Variants in ATP9B observed in about 807,000 individuals in gnomAD.
The protein encoded by ATP9B is probable phospholipid-transporting ATPase IIB.
A neutral mutation model predicts 146.1 loss-of-function variants in ATP9B; 110 were observed. The ratio of observed to expected loss-of-function variants is 0.75; its 90% CI spans 0.65 to 0.88. The LOEUF (loss-of-function observed/expected upper bound fraction) is 0.88, where lower values mean the gene tolerates loss of function less well. ATP9B is among the 40% of genes least tolerant of loss of function. The probability of loss-of-function intolerance (pLI) is 0.00; values close to 1 mark genes in which losing one functional copy is unlikely to be tolerated. For missense variants in ATP9B, 1,499 were observed against 1,496.4 expected (o/e 1.00, Z -0.03); for synonymous variants, 604 against 569.7 (o/e 1.06, Z -0.86).
At chr18:79,106,287 C>G (rs907141491) in intron 2 of ATP9B, among the ~76,000 whole-genome samples, 1 of 152,200 alleles carries the variant, frequency 6.6e-6, no homozygotes, top group Non-Finnish European at 1.5e-5. Context: ...TTGCTTCTCC[C>G]TCGTTGTGCA....
intron 10 of ATP9B, among the ~76,000 whole-genome samples, chr18:79,210,103 G>A (rs1391497258): frequency 1.3e-5 from 2 of 152,192 alleles, no homozygotes; most frequent in Admixed American, 1.3e-4. Flanking sequence ...GCAGACGAGA[G>A]GTGAGCCAAG....
At chr18:79,278,810 C>T (rs1568560272) in intron 13 of ATP9B, among the ~76,000 whole-genome samples, 1 of 151,936 alleles carries the variant, frequency 6.6e-6, no homozygotes, top group South Asian at 2.1e-4. Context: ...ATTTTCCCTT[C>T]CCAACCTCAT....
intron 29 of ATP9B, chr18:79,376,082 G>C (rs941650330): frequency 7.1e-6 from 7 of 984,784 alleles, no homozygotes; most frequent in Non-Finnish European, 8.4e-6. Context: ...GCCTCTAAGA[G>C]CAGACCGGTC....
At chr18:79,197,049 G>A (rs978720591) in intron 9 of ATP9B, among the ~76,000 whole-genome samples, 9 of 152,108 alleles carry the variant, frequency 5.9e-5, no homozygotes, top group Non-Finnish European at 1.3e-4. Context: ...AGCATATATA[G>A]GGTGTCACCA....
intron 8 of ATP9B, among the ~76,000 whole-genome samples, chr18:79,190,726 A>G (rs1018905614): frequency 6.6e-6 from 1 of 152,018 alleles, no homozygotes; most frequent in African/African-American, 2.4e-5. Context: ...TTGTATTTTT[A>G]GTAGAGACGG....
chr18:79,112,238 G>A (rs28432958), intron 3 of ATP9B, among the ~76,000 whole-genome samples: 37,295 of 152,034 alleles, frequency 0.25, 4,894 homozygotes, highest in East Asian at 0.5. Context: ...CATGGAAATG[G>A]CATCCAAAGA....
intron 10 of ATP9B, 47 bp from the exon 11 acceptor site, chr18:79,213,915 C>T: frequency 7.5e-7 from 1 of 1,335,698 alleles, no homozygotes; most frequent in Non-Finnish European, 1.0e-6. Context: ...TTATCTTTTA[C>T]TCATCTTTAA....
At chr18:79,337,001 G>A (rs1342855377) in intron 18 of ATP9B, among the ~76,000 whole-genome samples, 1 of 151,596 alleles carries the variant, frequency 6.6e-6, no homozygotes, top group Admixed American at 6.6e-5. Flanking sequence ...TACACATAGA[G>A]TATGTGCACA....
At chr18:79,165,469 T>A (rs2094950747) in intron 7 of ATP9B, among the ~76,000 whole-genome samples, 1 of 152,258 alleles carries the variant, frequency 6.6e-6, no homozygotes, top group Admixed American at 6.5e-5. Flanking sequence ...CAACAGTGTC[T>A]CTAGAAGTTG....
chr18:79,155,753 CTTTTTTTTTTT>C (rs56002235), intron 7 of ATP9B, among the ~76,000 whole-genome samples: 21 of 74,076 alleles, frequency 2.8e-4, no homozygotes, highest in African/African-American at 8.6e-4. Flanking sequence ...TGTTTTCTCT[CTTTTTTTTTTT>C]TTTTTTTTTT....
At position 79,174,140 on chromosome 18, in the gene ATP9B, C is replaced by G. The variant is rs186819255; in HGVS notation, c.779-2673C>G. On this transcript the variant is annotated intron_variant, in intron 7 of 29. Transcript: ENST00000426216. ...AAGAATAAGAAAGAGTACATCTGCTCTATCTTTCTGGAAGTAAACTTCCCT... is the reference window on the plus strand; with the variant it reads ...AAGAATAAGAAAGAGTACATCTGCTGTATCTTTCTGGAAGTAAACTTCCCT... 404 of 406,760 alleles carry G rather than the reference C, an allele frequency of 9.9e-4. 1 individual carries two copies. The highest frequency in any genetic ancestry group is 1.5e-3 in the Non-Finnish European group (315 of 207,672). The allele number at this position is 406,760 out of a possible 1,614,324, so 25.2% of individuals were successfully genotyped here.
At chr18:79,161,531 A>G (rs1382700412) in intron 7 of ATP9B, among the ~76,000 whole-genome samples, 1 of 152,174 alleles carries the variant, frequency 6.6e-6, no homozygotes, top group Non-Finnish European at 1.5e-5. Context: ...AATTGTTAAA[A>G]TAATAGTTAC....
At chr18:79,197,418 A>C (rs907427220) in intron 9 of ATP9B, among the ~76,000 whole-genome samples, 1 of 152,102 alleles carries the variant, frequency 6.6e-6, no homozygotes, top group Non-Finnish European at 1.5e-5. Flanking sequence ...AGTGAACAAA[A>C]AGAGTGCAGA....
At chr18:79,300,429 A>G (rs2096582948) in intron 13 of ATP9B, among the ~76,000 whole-genome samples, 1 of 152,070 alleles carries the variant, frequency 6.6e-6, no homozygotes, top group African/African-American at 2.4e-5. Flanking sequence ...ATCCATAGGG[A>G]GAGGCCAGCG....
intron 19 of ATP9B, among the ~76,000 whole-genome samples, chr18:79,338,060 T>C (rs1454361255): frequency 6.6e-6 from 1 of 152,260 alleles, no homozygotes; most frequent in East Asian, 1.9e-4. Context: ...TCATTCTCGG[T>C]TAAATTGTGC....
At chr18:79,357,408 G>C (rs2096961284) in intron 25 of ATP9B, among the ~76,000 whole-genome samples, 1 of 46,972 alleles carries the variant, frequency 2.1e-5, no homozygotes, top group Non-Finnish European at 3.8e-5. Flanking sequence ...CCTGGGTCTG[G>C]AGGTGTCTGT....
intron 13 of ATP9B, among the ~76,000 whole-genome samples, chr18:79,281,806 C>T (rs1009080877): frequency 2.6e-5 from 4 of 152,156 alleles, no homozygotes; most frequent in African/African-American, 4.8e-5. Context: ...GGCGGATCAC[C>T]GGAGGTCGGG....
intron 1 of ATP9B, among the ~76,000 whole-genome samples, chr18:79,084,620 C>T (rs886458193): frequency 3.3e-5 from 5 of 151,888 alleles, no homozygotes; most frequent in Admixed American, 6.6e-5. Flanking sequence ...TCCACATTGG[C>T]GGTTGAAAAC....
intron 2 of ATP9B, among the ~76,000 whole-genome samples, chr18:79,107,659 T>C (rs1299382922): frequency 2.6e-5 from 4 of 152,240 alleles, no homozygotes; most frequent in African/African-American, 9.6e-5. Flanking sequence ...AACATGACTT[T>C]AAAATCCATG....
Sources: gnomAD v4.1 joint callset for allele counts (sites outside exome capture counted in the v4.1 genomes callset) on GRCh38, gnomAD v4.1.1 for gene constraint, MANE v1.5 for transcripts, NCBI Gene and HGNC (gene_info 2026-07-23, HGNC 2026-07-21) for gene names.